WDR19: variants seen among roughly 807,000 people sequenced by gnomAD.
The protein encoded by WDR19 is WD repeat-containing protein 19.
A neutral mutation model predicts 180.0 loss-of-function variants in WDR19; 121 were observed. That is an observed-to-expected ratio of 0.67 (90% CI 0.58 to 0.78). The LOEUF (loss-of-function observed/expected upper bound fraction) is 0.78, where lower values mean the gene tolerates loss of function less well. Among genes scored for constraint, WDR19 ranks in the 30% least tolerant of loss-of-function variants. The probability of loss-of-function intolerance (pLI) is 0.00; values close to 1 mark genes in which losing one functional copy is unlikely to be tolerated. For synonymous variants in WDR19, 497 were observed against 540.7 expected, an observed-to-expected ratio of 0.92 and a Z score of 1.12; for missense variants, 1,450 against 1,640.7, an observed-to-expected ratio of 0.88 and a Z score of 2.01.
intron 9 of WDR19, among the ~76,000 whole-genome samples, chr4:39,207,645 C>T (rs570765522): frequency 1.1e-4 from 17 of 152,152 alleles, no homozygotes; most frequent in African/African-American, 3.4e-4. Flanking sequence ...ATTCTTTATC[C>T]GGTGACAATG....
At chr4:39,208,862 A>C (rs1253682596) in intron 9 of WDR19, among the ~76,000 whole-genome samples, 2 of 152,208 alleles carry the variant, frequency 1.3e-5, no homozygotes, top group Non-Finnish European at 2.9e-5. Context: ...AACATCATTT[A>C]TATAATGGAC....
intron 1 of WDR19, among the ~76,000 whole-genome samples, chr4:39,182,806 G>A (rs1725082682): frequency 6.6e-6 from 1 of 152,122 alleles, no homozygotes; most frequent in African/African-American, 2.4e-5. Flanking sequence ...TGCAGACGCC[G>A]TAGAAGCGGT....
intron 1 of WDR19, among the ~76,000 whole-genome samples, chr4:39,184,438 A>G (rs1202125200): frequency 6.6e-6 from 1 of 150,998 alleles, no homozygotes; most frequent in Non-Finnish European, 1.5e-5. Context: ...AAAATAAACA[A>G]CCTCACTGCT....
intron 1 of WDR19, 131 bp downstream of exon 1, chr4:39,182,694 A>AGG: frequency 7.7e-7 from 1 of 1,295,722 alleles, no homozygotes; most frequent in Non-Finnish European, 1.1e-6. Context: ...AGAGAGAGAG[A>AGG]GGTGGCCAGA....
At chr4:39,194,487 G>A (rs992756087) in intron 4 of WDR19, 57 bp from the exon 5 acceptor site, 11 of 1,094,066 alleles carry the variant, frequency 1.0e-5, no homozygotes, top group Admixed American at 2.7e-5. Flanking sequence ...TTTTTTAAAG[G>A]ACTGTTTAGA....
intron 24 of WDR19, among the ~76,000 whole-genome samples, chr4:39,251,612 T>G (rs1379391594): frequency 5.3e-5 from 8 of 152,114 alleles, no homozygotes; most frequent in African/African-American, 1.9e-4. Context: ...AACCTACTCA[T>G]CTGACAAAGG....
chr4:39,272,192 T>G (rs1043216225), intron 31 of WDR19, among the ~76,000 whole-genome samples: 1 of 152,210 alleles, frequency 6.6e-6, no homozygotes, highest in Non-Finnish European at 1.5e-5. Flanking sequence ...AAATGGAGTC[T>G]TTAGGAGTGC....
chr4:39,224,447 C>G (rs927692654), intron 14 of WDR19, among the ~76,000 whole-genome samples: 1 of 151,982 alleles, frequency 6.6e-6, no homozygotes, highest in Non-Finnish European at 1.5e-5. Flanking sequence ...ATGGTGCAAT[C>G]TCGGCTCACT....
At chr4:39,216,988 AT>A in intron 12 of WDR19, 145 bp from the exon 13 acceptor site, 1 of 585,178 alleles carries the variant, frequency 1.7e-6, no homozygotes, top group African/African-American at 1.9e-5. Context: ...TTAAGATTCA[AT>A]TTAATTATTT....
At chr4:39,223,516 A>T (rs1201857919) in intron 14 of WDR19, among the ~76,000 whole-genome samples, 1 of 151,952 alleles carries the variant, frequency 6.6e-6, no homozygotes, top group African/African-American at 2.4e-5. Flanking sequence ...TTTTTAGTAG[A>T]GACGGGGTTT....
chr4:39,218,276 C>A, intron 14 of WDR19, 171 bp downstream of exon 14: 1 of 871,104 alleles, frequency 1.1e-6, no homozygotes, highest in Non-Finnish European at 1.7e-6. Flanking sequence ...AGTGGGGATA[C>A]ATTCTGAGAA....
At chr4:39,207,883 G>A (rs1728111400) in intron 9 of WDR19, among the ~76,000 whole-genome samples, 1 of 151,776 alleles carries the variant, frequency 6.6e-6, no homozygotes, top group African/African-American at 2.4e-5. Context: ...ATATGTGATG[G>A]TTTAAAAAAA....
At chr4:39,237,929 T>C (rs989168205) in intron 20 of WDR19, 2 of 152,192 alleles carry the variant, frequency 1.3e-5, no homozygotes, top group East Asian at 3.8e-4. Flanking sequence ...TTCAGGAAAA[T>C]TGAAGTTTTG....
In WDR19 at chr4:39,234,799, C is replaced by A. The variant is rs1475702302; in HGVS notation, c.2287C>A (p.Leu763Ile). The change falls in exon 20 of 37, where the codon CTA (leucine) becomes ATA (isoleucine). Residue 763 changes from leucine to isoleucine, a missense_variant. Coordinates refer to ENST00000399820, the MANE Select transcript of WDR19 (RefSeq NM_025132.4). ...GGATTTACAGCATTGGGACAGTGCT[C>A]TACAACTGGCAAAGCATTTGGCCCC... ...RRDLQHWDSA[L>I]QLAKHLAPDQ... The A allele has an allele frequency of 3.8e-6, 6 of 1,583,976 alleles. No individual in the cohort carries two copies. In the South Asian group the frequency reaches 4.6e-5, roughly 12 times the overall value.
intron 21 of WDR19, among the ~76,000 whole-genome samples, chr4:39,241,130 T>A (rs923424865): frequency 3.3e-5 from 5 of 152,180 alleles, no homozygotes; most frequent in Admixed American, 2.6e-4. Flanking sequence ...AGCTAAGATT[T>A]ATAATAATAA....
At chr4:39,218,233 T>C in intron 14 of WDR19, 128 bp downstream of exon 14, 1 of 1,173,752 alleles carries the variant, frequency 8.5e-7, no homozygotes, top group Non-Finnish European at 1.2e-6. Context: ...AAGTTATCTG[T>C]GATTAATTAT....
intron 36 of WDR19, among the ~76,000 whole-genome samples, chr4:39,281,242 G>T (rs1300360836): frequency 6.9e-4 from 89 of 129,492 alleles, no homozygotes; most frequent in Non-Finnish European, 9.2e-4. Context: ...TATATAGAGA[G>T]AGAGAGAGAG....
At chr4:39,249,982 C>G (rs369964234) in intron 24 of WDR19, among the ~76,000 whole-genome samples, 2 of 152,176 alleles carry the variant, frequency 1.3e-5, no homozygotes, top group Non-Finnish European at 2.9e-5. Flanking sequence ...AGAATCCTCC[C>G]TAACTCATTT....
intron 3 of WDR19, among the ~76,000 whole-genome samples, chr4:39,187,045 T>C (rs547765912): frequency 6.6e-5 from 10 of 152,316 alleles, no homozygotes; most frequent in African/African-American, 2.2e-4. Context: ...TACATTATAC[T>C]AAGCATAATT....
Sources: gnomAD v4.1 joint callset for allele counts (sites outside exome capture counted in the v4.1 genomes callset) on GRCh38, gnomAD v4.1.1 for gene constraint, MANE v1.5 for transcripts, NCBI Gene and HGNC (gene_info 2026-07-23, HGNC 2026-07-21) for gene names.